SNX29: variants seen among roughly 807,000 people sequenced by gnomAD.
SNX29 encodes sorting nexin-29.
In SNX29, 78 loss-of-function variants were observed where a neutral mutation model predicts 102.1. The observed-to-expected ratio is 0.76, with a 90% CI of 0.64 to 0.92. The LOEUF is 0.92. SNX29 is among the 40% of genes least tolerant of loss of function. The pLI is 0.00. For synonymous variants in SNX29, 580 were observed against 414.5 expected (o/e 1.40, Z -4.85); for missense variants, 1,280 against 1,061.7 (o/e 1.21, Z -2.86).
Position 12,574,217 on chromosome 16 carries a change from A to G in SNX29, c.*5588A>G, listed in dbSNP as rs905994794. On this transcript the variant is annotated 3_prime_UTR_variant, in exon 21 of 21. Coordinates refer to ENST00000566228, the MANE Select transcript of SNX29 (RefSeq NM_032167.5). ...TGGAATAAGCTGTGGAAATTTTGTT[A>G]CAACCTGGTTGAGATCAACCTCTTT... 4 of 177,680 alleles carry G rather than the reference A, an allele frequency of 2.3e-5. No homozygotes were observed. Among genetic ancestry groups the G allele is most frequent in the Non-Finnish European group, 4.8e-5 (4 of 82,692 alleles). The allele number at this position is 177,680 out of a possible 1,614,324, so 11.0% of individuals were successfully genotyped here.
chr16:12,022,193 A>G (rs372698393), intron 3 of SNX29, among the ~76,000 whole-genome samples: 106 of 116,352 alleles, frequency 9.1e-4, no homozygotes, highest in African/African-American at 3.2e-3. Flanking sequence ...CAATTCAGTG[A>G]TTTTTGTGCT....
At chr16:12,289,970 C>T (rs578025969) in intron 15 of SNX29, among the ~76,000 whole-genome samples, 2 of 152,072 alleles carry the variant, frequency 1.3e-5, no homozygotes, top group Admixed American at 6.6e-5. Flanking sequence ...ATAAAGGGCT[C>T]GTCACTGGCA....
At position 12,571,530 on chromosome 16, in the gene SNX29, C is replaced by T. The variant is rs2079187462; in HGVS notation, c.*2901C>T. On this transcript the variant is annotated 3_prime_UTR_variant, in exon 21 of 21. Coordinates refer to ENST00000566228, the MANE Select transcript of SNX29 (RefSeq NM_032167.5). Reference sequence around the variant, plus strand: ...CTCAAGGGCCTTGGATTCCTGGGACCACCCTTTGCTGGGAGGAAGAATCCA... The same window carrying T: ...CTCAAGGGCCTTGGATTCCTGGGACTACCCTTTGCTGGGAGGAAGAATCCA... 1.2e-6 allele frequency: 1 copy of T among 844,600 alleles called. No homozygotes were observed. Among genetic ancestry groups the T allele is most frequent in the Non-Finnish European group, 1.5e-6 (1 of 678,346 alleles). 52.3% of individuals were successfully genotyped at this position (844,600 alleles called of 1,614,324 possible).
chr16:12,272,997 T>G (rs1483546935), intron 14 of SNX29, among the ~76,000 whole-genome samples: 1 of 152,230 alleles, frequency 6.6e-6, no homozygotes, highest in Non-Finnish European at 1.5e-5. Flanking sequence ...TATTCAGTGA[T>G]TACATTATTA....
intron 14 of SNX29, among the ~76,000 whole-genome samples, chr16:12,219,628 T>A (rs923458082): frequency 2.0e-5 from 3 of 152,224 alleles, no homozygotes; most frequent in Non-Finnish European, 2.9e-5. Context: ...CTTTCTCTCT[T>A]CCTTATTGAA....
chr16:12,127,485 G>A (rs542292537), intron 12 of SNX29, among the ~76,000 whole-genome samples: 2 of 147,810 alleles, frequency 1.4e-5, no homozygotes, highest in South Asian at 4.4e-4. Context: ...GCAGTGGCGC[G>A]ATCTCTGCTC....
intron 19 of SNX29, among the ~76,000 whole-genome samples, chr16:12,513,257 C>T (rs1343706758): frequency 6.7e-6 from 1 of 149,808 alleles, no homozygotes. Flanking sequence ...GTCCTCCTCT[C>T]CCCTCCCCTT....
chr16:12,038,818 A>C (rs2541582), intron 4 of SNX29: 47,205 of 152,112 alleles, frequency 0.31, 8,485 homozygotes, highest in African/African-American at 0.49. Flanking sequence ...AATGTGATGG[A>C]CGTACCGACA....
intron 20 of SNX29, among the ~76,000 whole-genome samples, chr16:12,527,975 C>G (rs1237482719): frequency 6.8e-6 from 1 of 146,742 alleles, no homozygotes; most frequent in African/African-American, 2.6e-5. Context: ...CATGTGCCCA[C>G]CACCATGCCT....
intron 18 of SNX29, among the ~76,000 whole-genome samples, chr16:12,447,716 C>G (rs1472734902): frequency 1.3e-5 from 2 of 152,162 alleles, no homozygotes; most frequent in Non-Finnish European, 2.9e-5. Flanking sequence ...ATAAGATTGC[C>G]AGCTCGTGTG....
intron 16 of SNX29, among the ~76,000 whole-genome samples, chr16:12,364,191 ATGTT>A (rs1200030797): frequency 2.0e-5 from 3 of 150,984 alleles, no homozygotes; most frequent in South Asian, 2.1e-4. Flanking sequence ...ATGTTATGTT[ATGTT>A]ATGTTATGTT....
chr16:12,234,336 A>G (rs2077860073), intron 14 of SNX29, among the ~76,000 whole-genome samples: 2 of 152,024 alleles, frequency 1.3e-5, no homozygotes, highest in South Asian at 4.2e-4. Flanking sequence ...CATTCTACAA[A>G]TGGCTTACTG....
At chr16:12,553,456 C>T (rs983195509) in intron 20 of SNX29, among the ~76,000 whole-genome samples, 2 of 152,108 alleles carry the variant, frequency 1.3e-5, no homozygotes, top group Non-Finnish European at 2.9e-5. Context: ...TGGTGTAGAC[C>T]AGCTCAGACC....
At chr16:12,551,231 C>T (rs550747066) in intron 20 of SNX29, among the ~76,000 whole-genome samples, 1 of 152,110 alleles carries the variant, frequency 6.6e-6, no homozygotes, top group Admixed American at 6.6e-5. Flanking sequence ...TTGCCATCTT[C>T]TGAGGACAGT....
chr16:12,397,920 C>A (rs562476388), intron 16 of SNX29, among the ~76,000 whole-genome samples: 7 of 152,174 alleles, frequency 4.6e-5, no homozygotes, highest in Admixed American at 4.6e-4. Flanking sequence ...TAGTTTCTCT[C>A]CCCTAGTCAT....
intron 20 of SNX29, among the ~76,000 whole-genome samples, chr16:12,551,200 A>G (rs545636351): frequency 1.8e-4 from 28 of 151,684 alleles, no homozygotes; most frequent in Admixed American, 4.0e-4. Context: ...GAGAGCCTTT[A>G]GGAACACACT....
chr16:12,300,990 G>A (rs566328367), intron 15 of SNX29, among the ~76,000 whole-genome samples: 1 of 152,294 alleles, frequency 6.6e-6, no homozygotes, highest in East Asian at 1.9e-4. Flanking sequence ...AATAAGGCCA[G>A]TGCAGAACTC....
chr16:12,150,530 T>A (rs2055253451), intron 13 of SNX29, among the ~76,000 whole-genome samples: 1 of 152,218 alleles, frequency 6.6e-6, no homozygotes, highest in African/African-American at 2.4e-5. Context: ...ACCTGAGTCA[T>A]TGAGGAGCAG....
chr16:12,477,906 A>C, intron 19 of SNX29, 47 bp downstream of exon 19: 1 of 1,540,488 alleles, frequency 6.5e-7, no homozygotes, highest in Non-Finnish European at 8.7e-7. Context: ...CTGCGTTAAA[A>C]TGGATTATTT....
Sources: allele counts gnomAD v4.1 joint callset (sites outside exome capture counted in the v4.1 genomes callset), GRCh38; gene constraint gnomAD v4.1.1; transcripts MANE v1.5; gene names NCBI Gene and HGNC (gene_info 2026-07-23, HGNC 2026-07-21).